COL17A1: variants seen among roughly 807,000 people sequenced by gnomAD.
The protein encoded by COL17A1 is collagen type XVII alpha 1 chain.
Under a neutral mutation model 218.4 loss-of-function variants are expected in COL17A1, and 181 were observed. That is an observed-to-expected ratio of 0.83 (90% CI 0.73 to 0.94). COL17A1 has a LOEUF of 0.94. COL17A1 is among the 40% of genes least tolerant of loss of function. The pLI is 0.00. For missense variants in COL17A1, 1,924 were observed against 1,945.9 expected, an observed-to-expected ratio of 0.99 and a Z score of 0.21; for synonymous variants, 721 against 731.0, an observed-to-expected ratio of 0.99 and a Z score of 0.22.
intron 9 of COL17A1, among the ~76,000 whole-genome samples, chr10:104,068,313 C>A (rs1203177121): frequency 6.6e-6 from 1 of 152,174 alleles, no homozygotes; most frequent in African/African-American, 2.4e-5. Context: ...GAATGTCAAA[C>A]TAAAGTTAAA....
intron 43 of COL17A1, 66 bp downstream of exon 43, chr10:104,039,379 G>A: frequency 6.6e-7 from 1 of 1,519,466 alleles, no homozygotes; most frequent in Non-Finnish European, 9.1e-7. Context: ...ATCTCTTCAG[G>A]CTCTGGGCTC....
At chr10:104,037,564 G>A (rs2086312843) in intron 46 of COL17A1, 72 bp downstream of exon 46, 5 of 1,578,122 alleles carry the variant, frequency 3.2e-6, no homozygotes, top group Non-Finnish European at 4.4e-6. Flanking sequence ...CAAACGAGGA[G>A]ATGAGGCTCT....
At position 104,063,764 on chromosome 10, in the gene COL17A1, A is replaced by G. The variant is rs762854489; in HGVS notation, c.821T>C (p.Leu274Pro). ...ACACTGACCTGAGGAGGATGTGCTG[A>G]GTCCAGGGTGCAAAGTGGGTGAGCA... ...ASCSPTLHPG[L>P]STSSSVFGMQ... The change falls in exon 11 of 56, where the codon CTC (leucine) becomes CCC (proline). Residue 274 changes from leucine (L) to proline (P), a missense_variant. Leu to Pro is a moderately conservative substitution (Grantham distance 98). Coordinates refer to ENST00000648076, the MANE Select transcript of COL17A1 (RefSeq NM_000494.4). 6.2e-7 allele frequency: 1 copy of G among 1,614,222 alleles called. No individual in the cohort carries two copies. Among genetic ancestry groups the G allele is most frequent in the South Asian group, 1.1e-5 (1 of 91,088 alleles).
chr10:104,051,015 T>A, intron 25 of COL17A1, 114 bp from the exon 26 acceptor site: 1 of 1,549,536 alleles, frequency 6.5e-7, no homozygotes. Flanking sequence ...CACCCTATAG[T>A]AAAAGTCAAA....
Position 104,045,762 on chromosome 10 carries a change from T to C in COL17A1, c.2394A>G (p.Ile798Met), listed in dbSNP as rs1453274014. ...CTCATTTGGAAATTCACTTACCTTT[T>C]ATTCCTGGTCGGCCAGGGGTACCGG... ...GLPGTPGRPG[I>M]KGEPGAPGKI... The change falls in exon 33 of 56, where the codon ATA becomes ATG. Residue 798 changes from isoleucine (I) to methionine (M), a missense_variant. Ile to Met is a conservative substitution (Grantham distance 10). Transcript: ENST00000648076. 4 of 1,611,784 alleles carry C rather than the reference T, an allele frequency of 2.5e-6. No individual in the cohort carries two copies. Among genetic ancestry groups the C allele is most frequent in the South Asian group, 2.2e-5 (2 of 91,036 alleles).
rs1015643399 is a variant in COL17A1 at position 104,077,944 on chromosome 10, C to T, written c.98-418G>A. Among the ~76,000 whole-genome samples, 5 of 152,184 alleles carry T rather than the reference C, an allele frequency of 3.3e-5. No individual in the cohort carries two copies. The East Asian group carries it at 5.8e-4, about 18-fold the overall frequency. On this transcript the variant is annotated intron_variant, in intron 3 of 55. Coordinates refer to ENST00000648076, the MANE Select transcript of COL17A1 (RefSeq NM_000494.4). ...GCAGCCACTAGAAGTGCTGGAGGGGCGTGTGGCAGCTCTGTGTTGCTGGTG... is the reference window on the plus strand; with the variant it reads ...GCAGCCACTAGAAGTGCTGGAGGGGTGTGTGGCAGCTCTGTGTTGCTGGTG...
At chr10:104,046,422 TCTGGACTAACAGCTCTC>T (rs1388677463) in intron 32 of COL17A1, among the ~76,000 whole-genome samples, 1 of 152,176 alleles carries the variant, frequency 6.6e-6, no homozygotes, top group African/African-American at 2.4e-5. Context: ...AACTTGGGCC[TCTGGACTAACAGCTCTC>T]CTGGCTAGTG....
Position 104,050,619 on chromosome 10 carries a change from AC to A in COL17A1, c.2128+1del. ...ATGACAGAGCAGCAGTGAGTGGCAT[AC>A]CTTTGGGTCCTGGTGGTCCCATTGG... On this transcript the variant is annotated splice_donor_variant, in intron 27 of 55. Coordinates refer to ENST00000648076, the MANE Select transcript of COL17A1 (RefSeq NM_000494.4). LOFTEE classifies it high-confidence loss of function. 6.2e-7 allele frequency: 1 copy of A among 1,613,040 alleles called. No individual in the cohort carries two copies. Among genetic ancestry groups the A allele is most frequent in the East Asian group, 2.2e-5 (1 of 44,872 alleles).
intron 52 of COL17A1, 101 bp from the exon 53 acceptor site, chr10:104,033,476 G>T: frequency 1.4e-6 from 2 of 1,403,940 alleles, no homozygotes; most frequent in South Asian, 1.2e-5. Flanking sequence ...CAAAGCAGTT[G>T]AACTAGATCA....
chr10:104,056,637 G>C (rs12252543), intron 17 of COL17A1, among the ~76,000 whole-genome samples: 2,255 of 152,212 alleles, frequency 0.015, 29 homozygotes, highest in African/African-American at 0.029. Context: ...ATGGCTGCTT[G>C]GAAACAGCAA....
intron 36 of COL17A1, among the ~76,000 whole-genome samples, chr10:104,042,090 C>A (rs1164375781): frequency 1.3e-5 from 2 of 152,168 alleles, no homozygotes; most frequent in African/African-American, 4.8e-5. Flanking sequence ...CTTAAAGGAC[C>A]CGGGAGTGAG....
At position 104,080,810 on chromosome 10, in the gene COL17A1, T is replaced by G. The variant is rs2134664590; in HGVS notation, c.-11-126A>C. 3 of 1,013,380 alleles carry G rather than the reference T, an allele frequency of 3.0e-6. No individual in the cohort carries two copies. In the South Asian group the frequency reaches 4.2e-5, roughly 14 times the overall value. 62.8% of individuals were successfully genotyped at this position (1,013,380 alleles called of 1,614,324 possible). ...GAATTTAAACCATAATTCTTTCACGTGAATATTTTTTATGAGTCATTCCCA... is the reference window on the plus strand; with the variant it reads ...GAATTTAAACCATAATTCTTTCACGGGAATATTTTTTATGAGTCATTCCCA... On this transcript the variant is annotated intron_variant, in intron 1 of 55. Transcript: ENST00000648076.
rs751481742 is a variant in COL17A1, at chr10:104,039,085, C to T, written c.2933G>A (p.Ser978Asn). The change falls in exon 44 of 56, where the codon AGT becomes AAT. Residue 978 changes from serine (S) to asparagine (N), a missense_variant. Transcript: ENST00000648076. ...PGVPGALGIP[S>N]GPSEGGSSST... ...TCAGTTCTTACCTTCAGAAGGACCA[C>T]TAGGAATGCCAAGAGCCCCTGGAAC... 2 of 1,614,156 alleles carry T rather than the reference C, an allele frequency of 1.2e-6. No individual in the cohort carries two copies. The highest frequency in any genetic ancestry group is 1.7e-6 in the Non-Finnish European group (2 of 1,180,002).
chr10:104,083,545 G>T (rs1456141114), intron 1 of COL17A1, among the ~76,000 whole-genome samples: 2 of 152,040 alleles, frequency 1.3e-5, no homozygotes, highest in Admixed American at 6.5e-5. Flanking sequence ...ACTTTTCTAG[G>T]CAAGAAGACA....
intron 45 of COL17A1, among the ~76,000 whole-genome samples, 149 bp downstream of exon 45, chr10:104,038,231 TACACACACACACACACACACACACAC>T (rs59808906): frequency 9.2e-5 from 13 of 142,008 alleles, no homozygotes; most frequent in Admixed American, 2.1e-4. Flanking sequence ...TAGACACACA[TACACACACACACACACACACACACAC>T]ACACACACAC....
At chr10:104,069,013 A>G (rs2086649082) in intron 9 of COL17A1, among the ~76,000 whole-genome samples, 1 of 152,242 alleles carries the variant, frequency 6.6e-6, no homozygotes, top group Admixed American at 6.5e-5. Flanking sequence ...GATATGTGTG[A>G]TGCAATACTA....
chr10:104,055,852 C>T lies in COL17A1; in HGVS notation c.1617G>A (p.Gly539=). 6.2e-7 allele frequency: 1 copy of T among 1,614,208 alleles called. No homozygotes were observed. The highest frequency in any genetic ancestry group is 8.5e-7 in the Non-Finnish European group (1 of 1,180,040). The change falls in exon 18 of 56, where the codon GGG becomes GGA. Residue 539 remains glycine, a synonymous_variant. Coordinates refer to ENST00000648076, the MANE Select transcript of COL17A1 (RefSeq NM_000494.4). ...PAAGADLDKI[G]LHSDSQEELW... ...GCTCCTCCTGGCTGTCACTGTGCAG[C>T]CCAATTTTGTCCAGGTCTGCTCCCG... is the stretch of plus-strand genomic sequence containing the variant.
At chr10:104,041,400 C>G in intron 37 of COL17A1, 56 bp from the exon 38 acceptor site, 1 of 1,603,644 alleles carries the variant, frequency 6.2e-7, no homozygotes, top group Non-Finnish European at 8.5e-7. Flanking sequence ...GATGCCACCC[C>G]TGAGGATCTT....
chr10:104,056,599 AAAAAG>A (rs1816642631), intron 17 of COL17A1, among the ~76,000 whole-genome samples: 2 of 152,226 alleles, frequency 1.3e-5, no homozygotes, highest in Admixed American at 6.5e-5. Flanking sequence ...AAAAAGAAAG[AAAAAG>A]AAAAGAAAGA....
Sources: gnomAD v4.1 joint callset for allele counts (sites outside exome capture counted in the v4.1 genomes callset) on GRCh38, gnomAD v4.1.1 for gene constraint, MANE v1.5 for transcripts, NCBI Gene and HGNC (gene_info 2026-07-23, HGNC 2026-07-21) for gene names.